The following ANGPT2 variants were observed in gnomAD, a reference collection of about 807,000 sequenced individuals.
ANGPT2 encodes the protein angiopoietin-2.
ANGPT2 carries 28 observed loss-of-function variants against 62.9 expected under a neutral mutation model. That is an observed-to-expected ratio of 0.44 (90% CI 0.33 to 0.61). ANGPT2 has a LOEUF of 0.61. Among genes scored for constraint, ANGPT2 ranks in the 20% least tolerant of loss-of-function variants. The probability of loss-of-function intolerance (pLI) is 0.03; values close to 1 mark genes in which losing one functional copy is unlikely to be tolerated. For synonymous variants in ANGPT2, 284 were observed against 207.8 expected (o/e 1.37, Z -3.15); for missense variants, 727 against 594.9 (o/e 1.22, Z -2.31).
Position 6,503,187 on chromosome 8 carries a change from A to T in ANGPT2, c.1402T>A (p.Phe468Ile). 1 of 1,614,146 alleles carries T rather than the reference A, an allele frequency of 6.2e-7. No homozygotes were observed. The highest frequency in any genetic ancestry group is 8.5e-7 in the Non-Finnish European group (1 of 1,180,032). The stretch of plus-strand genomic sequence containing the variant: ...CAGTAGTACCATTTAATGCCGTTGA[A>T]CTTATTTGTGTTCTGCCTCTGTGGA... The part of the protein sequence containing the change: ...YYPQRQNTNK[F>I]NGIKWYYWKG... Residue 468 changes from phenylalanine (F) to isoleucine (I), a missense_variant, in exon 9 of 9, where the codon TTC becomes ATC. Physicochemically the swap from Phe to Ile is conservative, Grantham distance 21. Coordinates refer to ENST00000629816, the MANE Select transcript of ANGPT2 (RefSeq NM_001118887.2).
intron 1 of ANGPT2, among the ~76,000 whole-genome samples, chr8:6,543,401 T>G (rs1035147635): frequency 4.6e-5 from 7 of 152,160 alleles, no homozygotes; most frequent in African/African-American, 1.7e-4. Context: ...TGTGCTTTCC[T>G]GGGTTAGAGT....
chr8:6,527,503 T>C, intron 3 of ANGPT2, 52 bp downstream of exon 3: 1 of 1,584,618 alleles, frequency 6.3e-7, no homozygotes, highest in Non-Finnish European at 8.6e-7. Context: ...CCGACTTTCA[T>C]ATCTGGAAAG....
At chr8:6,504,854 T>G (rs78342398) in intron 8 of ANGPT2, among the ~76,000 whole-genome samples, 13,094 of 152,118 alleles carry the variant, frequency 0.086, 1,030 homozygotes, top group African/African-American at 0.2. Flanking sequence ...TTTGATACTG[T>G]GTGTGATTTC....
At chr8:6,554,691 G>A (rs1824280409) in intron 1 of ANGPT2, among the ~76,000 whole-genome samples, 1 of 152,216 alleles carries the variant, frequency 6.6e-6, no homozygotes, top group South Asian at 2.1e-4. Context: ...CATGTGGAAA[G>A]TTGCTCAGAG....
chr8:6,545,339 C>G (rs905356764), intron 1 of ANGPT2, among the ~76,000 whole-genome samples: 1 of 152,072 alleles, frequency 6.6e-6, no homozygotes, highest in African/African-American at 2.4e-5. Context: ...TATCCATTTC[C>G]TGTGTTTTAT....
At chr8:6,540,843 G>C (rs2922872) in intron 1 of ANGPT2, among the ~76,000 whole-genome samples, 5 of 152,196 alleles carry the variant, frequency 3.3e-5, no homozygotes, top group Non-Finnish European at 5.9e-5. Context: ...AGGGTGGTTC[G>C]CACACGTGGA....
At position 6,499,759 on chromosome 8, in the gene ANGPT2, T is replaced by G; in HGVS notation, c.*3342A>C. 9.5e-7 allele frequency: 1 copy of G among 1,057,724 alleles called. No individual in the cohort carries two copies. The highest frequency in any genetic ancestry group is 1.3e-5 in the South Asian group (1 of 79,668). The allele number at this position is 1,057,724 out of a possible 1,614,324, so 65.5% of individuals were successfully genotyped here. A position where few individuals can be genotyped will look rare whatever the true frequency, so the allele number is the denominator to read the frequency against. The stretch of plus-strand genomic sequence containing the variant: ...ATCTATTTCAGATCTGCGGAGTGTA[T>G]CACTTTTTGCTGTGTCTTCAAAGTG... On this transcript the variant is annotated 3_prime_UTR_variant, in exon 9 of 9. Transcript: ENST00000629816.
At position 6,519,866 on chromosome 8, in the gene ANGPT2, T is replaced by G. The variant is rs1320795925; in HGVS notation, c.925A>C (p.Lys309Gln). The change falls in exon 5 of 9, where the codon AAG (lysine) becomes CAG (glutamine). Residue 309 changes from lysine to glutamine, a missense_variant and splice_region_variant. Coordinates refer to ENST00000629816, the MANE Select transcript of ANGPT2 (RefSeq NM_001118887.2). ...GTAAGGGGAGACGAATACCTCACCT[T>G]GATCTCTTCTGTAGAATTAGGGAAT... ...LTFPNSTEEI[K>Q]AYCDMEAGGG... The G allele has an allele frequency of 1.9e-6, 3 of 1,613,740 alleles. No homozygotes were observed. The highest frequency in any genetic ancestry group is 1.3e-5 in the African/African-American group (1 of 74,932).
Position 6,504,207 on chromosome 8 carries a change from A to C in ANGPT2, c.1328-946T>G, listed in dbSNP as rs1812782567. Reference sequence around the variant, plus strand: ...GTGGCGGACGCCTGTAGTCCCAGCTACTCGGGAGGCTGAGGCAGGAGAATG... The same window carrying C: ...GTGGCGGACGCCTGTAGTCCCAGCTCCTCGGGAGGCTGAGGCAGGAGAATG... On this transcript the variant is annotated intron_variant, in intron 8 of 8. Transcript: ENST00000629816. 2.0e-5 allele frequency among the ~76,000 whole-genome samples: 3 copies of C among 150,008 alleles called. No homozygotes were observed. In the Admixed American group the frequency reaches 2.0e-4, roughly 10 times the overall value.
intron 1 of ANGPT2, 52 bp downstream of exon 1, chr8:6,562,595 C>G (rs1395841492): frequency 5.6e-6 from 2 of 356,056 alleles, no homozygotes; most frequent in African/African-American, 3.3e-5. Flanking sequence ...TGAGCTGCTG[C>G]CAAGCTGATC....
chr8:6,544,757 T>C (rs1444741157), intron 1 of ANGPT2, among the ~76,000 whole-genome samples: 1 of 152,196 alleles, frequency 6.6e-6, no homozygotes, highest in Non-Finnish European at 1.5e-5. Context: ...CATTTAGAGT[T>C]ACACTTTGCC....
At chr8:6,532,858 G>C (rs1373109011) in intron 1 of ANGPT2, among the ~76,000 whole-genome samples, 1 of 152,182 alleles carries the variant, frequency 6.6e-6, no homozygotes, top group Non-Finnish European at 1.5e-5. Flanking sequence ...CTGCAACTCT[G>C]ACCATGCAGT....
At chr8:6,517,850 C>A (rs1429253395) in intron 5 of ANGPT2, among the ~76,000 whole-genome samples, 1 of 152,158 alleles carries the variant, frequency 6.6e-6, no homozygotes, top group African/African-American at 2.4e-5. Flanking sequence ...CTTACAGAGT[C>A]TTAAGTCTGG....
intron 8 of ANGPT2, among the ~76,000 whole-genome samples, chr8:6,505,504 T>TAGAATATATATATTCTTTAC (rs1563307566): frequency 0.015 from 69 of 4,478 alleles, 3 homozygotes; most frequent in African/African-American, 0.038. Context: ...TTTATATATG[T>TAGAATATATATATTCTTTAC]ATATATAGAA....
At chr8:6,509,860 G>A (rs1187138411) in intron 7 of ANGPT2, among the ~76,000 whole-genome samples, 1 of 152,174 alleles carries the variant, frequency 6.6e-6, no homozygotes, top group South Asian at 2.1e-4. Context: ...TGCACGCAGT[G>A]TCTGTTGTTC....
rs1385820082 is a variant in ANGPT2 at position 6,503,279 on chromosome 8, AG to A, written c.1328-19del. 1 of 1,613,840 alleles carries A rather than the reference AG, an allele frequency of 6.2e-7. No homozygotes were observed. The highest frequency in any genetic ancestry group is 1.3e-5 in the African/African-American group (1 of 74,924). Reference sequence around the variant, plus strand: ...CCACCAGCCTGTGAAAGTAAAACACAGAAGGAATTAGGAACTAGGTGATGCC... The same window carrying A: ...CCACCAGCCTGTGAAAGTAAAACACAAAGGAATTAGGAACTAGGTGATGCC... On this transcript the variant is annotated intron_variant, in intron 8 of 8. Transcript: ENST00000629816.
intron 8 of ANGPT2, among the ~76,000 whole-genome samples, chr8:6,504,242 C>T (rs1371495680): frequency 5.9e-5 from 8 of 134,950 alleles, no homozygotes; most frequent in Middle Eastern, 5.3e-3. Flanking sequence ...GGCGTGAACC[C>T]GGGAGGCGGA....
intron 3 of ANGPT2, among the ~76,000 whole-genome samples, chr8:6,525,517 A>C (rs969046144): frequency 2.6e-5 from 4 of 152,252 alleles, no homozygotes; most frequent in African/African-American, 7.2e-5. Context: ...GGCATGAGCC[A>C]CTGTGCCTGG....
chr8:6,509,208 T>C, intron 7 of ANGPT2, 146 bp from the exon 8 acceptor site: 1 of 1,063,460 alleles, frequency 9.4e-7, no homozygotes, highest in Non-Finnish European at 1.3e-6. Context: ...CAAAATATTT[T>C]GCACTGGTAT....
Sources: allele counts gnomAD v4.1 joint callset (sites outside exome capture counted in the v4.1 genomes callset), GRCh38; gene constraint gnomAD v4.1.1; transcripts MANE v1.5; gene names NCBI Gene and HGNC (gene_info 2026-07-23, HGNC 2026-07-21).